GRK4: variants seen among roughly 807,000 people sequenced by gnomAD.
GRK4 encodes G protein-coupled receptor kinase 2-like.
Under a neutral mutation model 77.9 loss-of-function variants are expected in GRK4, and 73 were observed. The ratio of observed to expected loss-of-function variants is 0.94; its 90% confidence interval spans 0.78 to 1.14. The LOEUF (loss-of-function observed/expected upper bound fraction) is 1.14. Ranked by LOEUF, GRK4 falls within the 50% of genes most tolerant of loss-of-function variation. The pLI, the probability that GRK4 is intolerant of heterozygous loss-of-function variation, is 0.00. For synonymous variants in GRK4, 257 were observed against 254.4 expected (o/e 1.01, Z -0.10); for missense variants, 729 against 700.2 (o/e 1.04, Z -0.46).
At chr4:2,975,419 C>T (rs926450532) in intron 1 of GRK4, among the ~76,000 whole-genome samples, 7 of 152,170 alleles carry the variant, frequency 4.6e-5, no homozygotes, top group Non-Finnish European at 8.8e-5. Context: ...ACCTAATATA[C>T]CGTGGGGGAG....
intron 1 of GRK4, among the ~76,000 whole-genome samples, chr4:2,980,168 C>G (rs1035363822): frequency 6.6e-6 from 1 of 152,184 alleles, no homozygotes; most frequent in Non-Finnish European, 1.5e-5. Context: ...GCACACTGGA[C>G]ATGGACAGCA....
intron 1 of GRK4, among the ~76,000 whole-genome samples, chr4:2,975,287 G>A (rs575087180): frequency 1.3e-5 from 2 of 152,278 alleles, no homozygotes; most frequent in South Asian, 2.1e-4. Flanking sequence ...TGGCCACAGA[G>A]CCAGACTCTG....
intron 1 of GRK4, among the ~76,000 whole-genome samples, chr4:2,970,458 G>C (rs1213426236): frequency 6.6e-6 from 1 of 151,952 alleles, no homozygotes; most frequent in Non-Finnish European, 1.5e-5. Context: ...CAGGTATCGA[G>C]ACAATCCTGG....
In GRK4 at chr4:3,004,279, AGATTGG is replaced by A; in HGVS notation, c.391_396del (p.Gly132_Leu133del). The A allele has an allele frequency of 6.2e-7, 1 of 1,613,984 alleles. No homozygotes were observed. On this transcript the variant is annotated inframe_deletion, in exon 5 of 16. Coordinates refer to ENST00000398052, the MANE Select transcript of GRK4 (RefSeq NM_182982.3). ...ACCTCCAGATGTTGTGACAGAATGT[AGATTGG>A]GACTGAAGGAGGAGAACCCTTCCAA...
intron 7 of GRK4, among the ~76,000 whole-genome samples, chr4:3,012,834 A>C (rs1210653892): frequency 6.6e-6 from 1 of 152,148 alleles, no homozygotes; most frequent in East Asian, 1.9e-4. Context: ...TGACATTTTA[A>C]ATTAAAAAAT....
chr4:2,963,617 G>A lies in GRK4; in HGVS notation c.-454G>A, dbSNP rs28619042. 9.8e-6 allele frequency: 4 copies of A among 406,380 alleles called. No individual in the cohort carries two copies. The highest frequency in any genetic ancestry group is 8.7e-6 in the Non-Finnish European group (2 of 229,948). 25.2% of individuals were successfully genotyped at this position (406,380 alleles called of 1,614,324 possible). On this transcript the variant is annotated 5_prime_UTR_variant, in exon 1 of 16. Transcript: ENST00000398052. Reference sequence around the variant, plus strand: ...CGAGGGGCGCTCCCTCTTCAGCTAAGCCGTTAGCGCCGAGCCCGCCCGGGA... The same window carrying A: ...CGAGGGGCGCTCCCTCTTCAGCTAAACCGTTAGCGCCGAGCCCGCCCGGGA...
At chr4:2,999,993 G>T (rs1729054792) in intron 4 of GRK4, among the ~76,000 whole-genome samples, 1 of 152,270 alleles carries the variant, frequency 6.6e-6, no homozygotes, top group Admixed American at 6.5e-5. Flanking sequence ...CACAGAAAAA[G>T]AAGCATATTT....
Position 3,037,483 on chromosome 4 carries a change from G to GGT in GRK4, c.1522_1523dup (p.Ile510ProfsTer8). 6.2e-7 allele frequency: 1 copy of GGT among 1,608,662 alleles called. No individual in the cohort carries two copies. The highest frequency in any genetic ancestry group is 8.5e-7 in the Non-Finnish European group (1 of 1,175,516). ...GACTTCTATGCTCGGTTTGCTACCG[G>GGT]GTGTGTCTCCATCCCCTGGCAGAAT... On this transcript the variant is annotated frameshift_variant, in exon 14 of 16. Coordinates refer to ENST00000398052, the MANE Select transcript of GRK4 (RefSeq NM_182982.3). LOFTEE classifies it high-confidence loss of function.
intron 1 of GRK4, among the ~76,000 whole-genome samples, chr4:2,976,919 G>A (rs371606178): frequency 6.6e-6 from 1 of 152,152 alleles, no homozygotes; most frequent in South Asian, 2.1e-4. Flanking sequence ...GATGACAGGC[G>A]CGAGCCACCG....
At chr4:3,027,124 C>T (rs149661819) in intron 10 of GRK4, among the ~76,000 whole-genome samples, 26 of 152,300 alleles carry the variant, frequency 1.7e-4, no homozygotes, top group East Asian at 1.2e-3. Flanking sequence ...ACCGCAGCCT[C>T]GACCTTCTGG....
chr4:2,985,026 C>G (rs185018086), intron 2 of GRK4, among the ~76,000 whole-genome samples: 11 of 152,200 alleles, frequency 7.2e-5, no homozygotes, highest in African/African-American at 2.7e-4. Flanking sequence ...AAATTCCTCT[C>G]CCCATGACCG....
Position 2,977,558 on chromosome 4 carries a change from T to A in GRK4, c.53-6955T>A, listed in dbSNP as rs374696512. On this transcript the variant is annotated intron_variant, in intron 1 of 15. Coordinates refer to ENST00000398052, the MANE Select transcript of GRK4 (RefSeq NM_182982.3). The stretch of plus-strand genomic sequence containing the variant: ...TTTGTGGAGCAATAAGAATAGAATT[T>A]ATTTTTCATTTCCATAAAAGCCACG... Among the ~76,000 whole-genome samples the A allele has an allele frequency of 2.6e-5, 4 of 152,340 alleles. No individual in the cohort carries two copies. The East Asian group carries it at 7.7e-4, about 29-fold the overall frequency.
intron 15 of GRK4, among the ~76,000 whole-genome samples, chr4:3,039,155 G>A (rs1289753149): frequency 6.6e-6 from 1 of 151,714 alleles, no homozygotes; most frequent in South Asian, 2.1e-4. Flanking sequence ...GGTGGAGGGT[G>A]CAGTGAGCCG....
chr4:2,980,798 G>A (rs1474224085), intron 1 of GRK4, among the ~76,000 whole-genome samples: 1 of 152,232 alleles, frequency 6.6e-6, no homozygotes, highest in African/African-American at 2.4e-5. Flanking sequence ...GTGGCCAGTG[G>A]CGGCTTTACC....
chr4:3,025,071 G>A (rs1737076185), intron 10 of GRK4, among the ~76,000 whole-genome samples: 1 of 151,886 alleles, frequency 6.6e-6, no homozygotes, highest in Non-Finnish European at 1.5e-5. Context: ...AGGAGTTCAA[G>A]ACCAGCCTGG....
chr4:2,980,775 G>A (rs1365707900), intron 1 of GRK4, among the ~76,000 whole-genome samples: 1 of 152,226 alleles, frequency 6.6e-6, no homozygotes, highest in African/African-American at 2.4e-5. Flanking sequence ...CACTTCACCA[G>A]CTGGAGACTT....
chr4:3,030,952 T>C (rs1330466478), intron 12 of GRK4, among the ~76,000 whole-genome samples: 1 of 152,132 alleles, frequency 6.6e-6, no homozygotes, highest in Non-Finnish European at 1.5e-5. Flanking sequence ...TTGGGGGCTT[T>C]GCAGCGATTC....
At chr4:3,036,500 G>T (rs1246476332) in intron 13 of GRK4, among the ~76,000 whole-genome samples, 4 of 152,256 alleles carry the variant, frequency 2.6e-5, no homozygotes, top group Non-Finnish European at 5.9e-5. Flanking sequence ...AGTTTCTCAG[G>T]ACTGCGGGTG....
intron 5 of GRK4, among the ~76,000 whole-genome samples, chr4:3,007,280 T>C (rs1011213472): frequency 1.1e-4 from 17 of 152,226 alleles, no homozygotes; most frequent in African/African-American, 4.1e-4. Flanking sequence ...AGTAACTGTA[T>C]GAAATAGGCA....
Sources: gnomAD v4.1 joint callset for allele counts (sites outside exome capture counted in the v4.1 genomes callset) on GRCh38, gnomAD v4.1.1 for gene constraint, MANE v1.5 for transcripts, NCBI Gene and HGNC (gene_info 2026-07-23, HGNC 2026-07-21) for gene names.